Variants in KDM4B observed in about 807,000 individuals in gnomAD.
KDM4B encodes lysine demethylase 4B, also known as lysine-specific demethylase 4B.
A neutral mutation model predicts 125.2 loss-of-function variants in KDM4B; 32 were observed. That is an observed-to-expected ratio of 0.26 (90% CI 0.19 to 0.34). The LOEUF (loss-of-function observed/expected upper bound fraction) is 0.34. Ranked by LOEUF, KDM4B falls within the 10% of genes least tolerant of loss-of-function variation. The pLI, the probability that KDM4B is intolerant of heterozygous loss-of-function variation, is 1.00. For missense variants in KDM4B, 1,190 were observed against 1,577.7 expected (o/e 0.75, Z 4.16); for synonymous variants, 721 against 677.9 (o/e 1.06, Z -0.99).
At chr19:5,144,614 C>T (rs111607714) in intron 20 of KDM4B, among the ~76,000 whole-genome samples, 169 bp from the exon 21 acceptor site, 14 of 152,328 alleles carry the variant, frequency 9.2e-5, no homozygotes, top group African/African-American at 2.6e-4. Context: ...CAGCAGAAAG[C>T]GACCCGCAGC....
At chr19:5,150,519 C>A in intron 22 of KDM4B, 69 bp downstream of exon 22, 1 of 1,143,384 alleles carries the variant, frequency 8.7e-7, no homozygotes, top group Non-Finnish European at 1.3e-6. Context: ...AGGCAGGGCA[C>A]AGACTGCGTC....
rs1555696840 is a variant in KDM4B at position 5,035,881 on chromosome 19, G to GTGTGTGCA, written c.141+2850_141+2851insTGTGTGCA. Among the ~76,000 whole-genome samples the GTGTGTGCA allele has an allele frequency of 6.8e-5, 2 of 29,360 alleles. No homozygotes were observed. The highest frequency in any genetic ancestry group is 1.2e-4 in the Non-Finnish European group (1 of 8,484). The allele number at this position is 29,360 out of a possible 152,430, so 19.3% of individuals were successfully genotyped here. A position where few individuals can be genotyped will look rare whatever the true frequency, so the allele number is the denominator to read the frequency against. ...CGTGTCTCTGTGTGTGTGTGTGTGT[G>GTGTGTGCA]CGCGCGCGCGCGCGCCTGCGCGCAC... is the stretch of plus-strand genomic sequence containing the variant. On this transcript the variant is annotated intron_variant, in intron 3 of 22. Coordinates refer to ENST00000159111, the MANE Select transcript of KDM4B (RefSeq NM_015015.3). The surrounding 1 kb of genome is among the most constrained non-coding windows in gnomAD (Gnocchi z 5.3).
chr19:5,036,079 G>A (rs2036617041), intron 3 of KDM4B, among the ~76,000 whole-genome samples: 1 of 152,174 alleles, frequency 6.6e-6, no homozygotes, highest in African/African-American at 2.4e-5. Flanking sequence ...TCTTCCAAAT[G>A]GGGGGCCCTT....
At chr19:5,103,417 T>C (rs2038975635) in intron 9 of KDM4B, among the ~76,000 whole-genome samples, 1 of 152,198 alleles carries the variant, frequency 6.6e-6, no homozygotes, top group Non-Finnish European at 1.5e-5. Context: ...GCCCGCTTTC[T>C]CATTTTCCTG....
At chr19:5,000,136 A>G (rs2035333356) in intron 1 of KDM4B, among the ~76,000 whole-genome samples, 1 of 125,504 alleles carries the variant, frequency 8.0e-6, no homozygotes. Context: ...CCACCCACCT[A>G]TCCACCCATT....
chr19:5,149,513 G>GAACCTTCTCCCCCTGGAGCAGA (rs2039909722), intron 21 of KDM4B, among the ~76,000 whole-genome samples: 1 of 152,200 alleles, frequency 6.6e-6, no homozygotes, highest in African/African-American at 2.4e-5. Context: ...TCTGATATGG[G>GAACCTTCTCCCCCTGGAGCAGA]AACCTTCTCC....
At chr19:5,022,828 G>T (rs922993016) in intron 2 of KDM4B, among the ~76,000 whole-genome samples, 7 of 152,112 alleles carry the variant, frequency 4.6e-5, no homozygotes, top group Admixed American at 3.3e-4. Flanking sequence ...TCTCCAGGTG[G>T]GGGGGCTTGG....
chr19:5,100,848 A>G (rs1379787828), intron 9 of KDM4B, among the ~76,000 whole-genome samples: 1 of 152,082 alleles, frequency 6.6e-6, no homozygotes, highest in Non-Finnish European at 1.5e-5. Flanking sequence ...TTTTGTTATA[A>G]GCCCCGTTCT....
Position 5,137,632 on chromosome 19 carries a change from G to C in KDM4B, c.2397G>C (p.Leu799=). 1 of 1,604,076 alleles carries C rather than the reference G, an allele frequency of 6.2e-7. No homozygotes were observed. Among genetic ancestry groups the C allele is most frequent in the Non-Finnish European group, 8.5e-7 (1 of 1,178,514 alleles). ...TCTGGTCTCCACAGGAGTGCTGCCT[G>C]TGCAACCTGCGAGGAGGTGCGCTGC... ...AAHAWTAECC[L]CNLRGGALQM... Residue 799 remains leucine (L), a synonymous_variant, in exon 17 of 23, where the codon CTG becomes CTC. Coordinates refer to ENST00000159111, the MANE Select transcript of KDM4B (RefSeq NM_015015.3).
At position 4,997,356 on chromosome 19, in the gene KDM4B, A is replaced by C. The variant is rs1003504863; in HGVS notation, c.-108-18901A>C. Among the ~76,000 whole-genome samples, 2 of 152,044 alleles carry C rather than the reference A, an allele frequency of 1.3e-5. No homozygotes were observed. The highest frequency in any genetic ancestry group is 4.8e-5 in the African/African-American group (2 of 41,370). On this transcript the variant is annotated intron_variant, in intron 1 of 22. Coordinates refer to ENST00000159111, the MANE Select transcript of KDM4B (RefSeq NM_015015.3). This position sits in a 1 kb window ranked among gnomAD's most constrained non-coding sequence, Gnocchi z 4.2. ...CACTTAGAGAGGTTTCCCCCGCCCTAGGAGTCCAGGAGCGTCGGCCCCTGG... is the reference window on the plus strand; with the variant it reads ...CACTTAGAGAGGTTTCCCCCGCCCTCGGAGTCCAGGAGCGTCGGCCCCTGG...
At chr19:5,146,953 A>AAC (rs895033048) in intron 21 of KDM4B, among the ~76,000 whole-genome samples, 4 of 150,540 alleles carry the variant, frequency 2.7e-5, no homozygotes, top group African/African-American at 7.3e-5. Context: ...AAAAAAAAAA[A>AAC]AAAAAAAAAC....
chr19:5,051,066 G>T (rs1262650555), intron 6 of KDM4B, among the ~76,000 whole-genome samples: 1 of 151,954 alleles, frequency 6.6e-6, no homozygotes, highest in Admixed American at 6.5e-5. Flanking sequence ...CTCCTGAGCC[G>T]CCCGGGCCAG....
In KDM4B at chr19:5,135,544, G is replaced by A. The variant is rs746034949; in HGVS notation, c.2291G>A (p.Cys764Tyr). 52 of 1,601,212 alleles carry A rather than the reference G, an allele frequency of 3.2e-5. No individual in the cohort carries two copies. Among genetic ancestry groups the A allele is most frequent in the Non-Finnish European group, 4.3e-5 (50 of 1,175,596 alleles). Residue 764 changes from cysteine (C) to tyrosine (Y), a missense_variant, in exon 15 of 23, where the codon TGC (cysteine) becomes TAC (tyrosine). Cys to Tyr is a radical substitution (Grantham distance 194, BLOSUM62 -2). Transcript: ENST00000159111. ...TSPLIACGKC[C>Y]LQVHASCYGI... is the part of the protein sequence containing the mutation. ...CCCCTGATCGCCTGCGGCAAGTGCTGCCTGCAGGTCCATGCCAGTGAGTGC... is the reference window on the plus strand; with the variant it reads ...CCCCTGATCGCCTGCGGCAAGTGCTACCTGCAGGTCCATGCCAGTGAGTGC...
Position 5,151,948 on chromosome 19 carries a change from C to T in KDM4B, c.*437C>T, listed in dbSNP as rs1428066210. 2.5e-5 allele frequency: 4 copies of T among 160,030 alleles called. No homozygotes were observed. The highest frequency in any genetic ancestry group is 9.5e-5 in the African/African-American group (4 of 41,908). The allele number at this position is 160,030 out of a possible 1,614,324, so 9.9% of individuals were successfully genotyped here. On this transcript the variant is annotated 3_prime_UTR_variant, in exon 23 of 23. Coordinates refer to ENST00000159111, the MANE Select transcript of KDM4B (RefSeq NM_015015.3). The stretch of plus-strand genomic sequence containing the variant: ...CCAAAGTTGTTTTCTAGATTTGTGG[C>T]TTTAAGAAAAACAAAACAAAACAAA...
chr19:4,994,960 C>G (rs2035153214), intron 1 of KDM4B, among the ~76,000 whole-genome samples: 1 of 152,200 alleles, frequency 6.6e-6, no homozygotes, highest in South Asian at 2.1e-4. Flanking sequence ...GTGCTTACTC[C>G]TTTTGAACTG....
intron 1 of KDM4B, among the ~76,000 whole-genome samples, chr19:4,974,997 A>G (rs1333458679): frequency 6.6e-6 from 1 of 151,724 alleles, no homozygotes; most frequent in African/African-American, 2.4e-5. Flanking sequence ...GGACCTGTGC[A>G]CTTGCTGTGC....
chr19:4,994,912 A>G (rs1257526795), intron 1 of KDM4B, among the ~76,000 whole-genome samples: 1 of 152,186 alleles, frequency 6.6e-6, no homozygotes, highest in Non-Finnish European at 1.5e-5. Context: ...ACTTCTCAGA[A>G]TCGACTTCAG....
chr19:5,142,501 A>G lies in KDM4B; in HGVS notation c.2551-1466A>G, dbSNP rs1299779326. Among the ~76,000 whole-genome samples, 1 of 152,082 alleles carries G rather than the reference A, an allele frequency of 6.6e-6. No homozygotes were observed. Among genetic ancestry groups the G allele is most frequent in the Non-Finnish European group, 1.5e-5 (1 of 67,992 alleles). On this transcript the variant is annotated intron_variant, in intron 18 of 22. Transcript: ENST00000159111. This position sits in a 1 kb window ranked among gnomAD's most constrained non-coding sequence, Gnocchi z 5.4. The stretch of plus-strand genomic sequence containing the variant: ...GATGCAGGGTCATGGGCTGCCTGCT[A>G]CCACGAGGCGGAAGGGGATGGTGCT...
At position 5,008,906 on chromosome 19, in the gene KDM4B, C is replaced by CTTTT. The variant is rs200928850; in HGVS notation, c.-108-7328_-108-7325dup. ...ATGAGTGACCATGCCTGGCCCCTGC[C>CTTTT]TTTTTTTTTTTTTTTTTTTTTTTTT... is the stretch of plus-strand genomic sequence containing the variant. On this transcript the variant is annotated intron_variant, in intron 1 of 22. Transcript: ENST00000159111. Among the ~76,000 whole-genome samples, 265 of 104,438 alleles carry CTTTT rather than the reference C, an allele frequency of 2.5e-3. 25 individuals carry two copies. The highest frequency in any genetic ancestry group is 0.012 in the African/African-American group (250 of 21,218). 68.5% of individuals were successfully genotyped at this position (104,438 alleles called of 152,430 possible).
Sources: allele counts gnomAD v4.1 joint callset (sites outside exome capture counted in the v4.1 genomes callset), GRCh38; gene constraint gnomAD v4.1.1; non-coding constraint Gnocchi (gnomAD v3.1); transcripts MANE v1.5; gene names NCBI Gene and HGNC (gene_info 2026-07-23, HGNC 2026-07-21).